The following ZC3H12B variants were observed in gnomAD, a reference collection of about 807,000 sequenced individuals.
ZC3H12B encodes the protein probable ribonuclease ZC3H12B.
A neutral mutation model predicts 43.9 loss-of-function variants in ZC3H12B; 7 were observed. That is an observed-to-expected ratio of 0.16 (90% CI 0.09 to 0.30). The LOEUF (loss-of-function observed/expected upper bound fraction) is 0.30. ZC3H12B is among the 10% of genes least tolerant of loss of function. The pLI is 1.00. For synonymous variants in ZC3H12B, 222 were observed against 241.7 expected, an observed-to-expected ratio of 0.92 and a Z score of 0.76; for missense variants, 475 against 670.2, an observed-to-expected ratio of 0.71 and a Z score of 3.22.
chrX:65,249,248 C>T, the ZC3H12B span, among the ~76,000 whole-genome samples: 1 of 111,772 alleles, frequency 8.9e-6, no homozygotes, highest in Non-Finnish European at 1.9e-5. Flanking sequence ...ATCTTGATTT[C>T]TGTGTAAGGT....
At chrX:65,314,227 G>C in the ZC3H12B span, among the ~76,000 whole-genome samples, 1 of 110,983 alleles carries the variant, frequency 9.0e-6, no homozygotes. Flanking sequence ...AGAGAAGAAA[G>C]AGAGGAGTAC....
At chrX:65,250,586 T>C in the ZC3H12B span, among the ~76,000 whole-genome samples, 2 of 111,939 alleles carry the variant, frequency 1.8e-5, no homozygotes, top group Non-Finnish European at 3.8e-5. Flanking sequence ...CTCCACATCC[T>C]CTCCAGCACC....
intron 3 of ZC3H12B, among the ~76,000 whole-genome samples, chrX:65,422,687 C>T (rs1324857342): frequency 1.8e-5 from 2 of 110,411 alleles, no homozygotes; most frequent in East Asian, 5.7e-4. Flanking sequence ...CCTCCCTTTG[C>T]CCCTCACTCC....
the ZC3H12B span, among the ~76,000 whole-genome samples, chrX:65,048,850 GTTTTA>G: frequency 9.1e-6 from 1 of 110,395 alleles, no homozygotes; most frequent in African/African-American, 3.3e-5. Context: ...GTTTTGTTTT[GTTTTA>G]ATCATGGCCA....
chrX:65,395,143 T>G (rs778920423), intron 2 of ZC3H12B, among the ~76,000 whole-genome samples: 5 of 112,147 alleles, frequency 4.5e-5, no homozygotes, highest in Middle Eastern at 4.6e-3. Flanking sequence ...TAAAATCATG[T>G]CATCTGTAAA....
the ZC3H12B span, among the ~76,000 whole-genome samples, chrX:65,111,914 G>A: frequency 9.0e-6 from 1 of 111,330 alleles, no homozygotes; most frequent in South Asian, 3.7e-4. Context: ...ATGTTCAAGT[G>A]AAAAGAAGAG....
chrX:65,438,185 G>A (rs2067244980), intron 3 of ZC3H12B, among the ~76,000 whole-genome samples: 3 of 111,507 alleles, frequency 2.7e-5, no homozygotes, highest in Non-Finnish European at 5.6e-5. Context: ...TGTATGCTTA[G>A]GATAGCTTTG....
chrX:65,070,331 CT>C, the ZC3H12B span, among the ~76,000 whole-genome samples: 4 of 110,385 alleles, frequency 3.6e-5, no homozygotes, highest in African/African-American at 1.3e-4. Context: ...GATCTTCTTT[CT>C]TTTTTTCTTT....
chrX:65,088,521 A>G, the ZC3H12B span, among the ~76,000 whole-genome samples: 8 of 111,781 alleles, frequency 7.2e-5, no homozygotes, highest in African/African-American at 9.8e-5. Context: ...AAGGTTAAAC[A>G]TGCTACTTCT....
chrX:65,168,462 A>C, the ZC3H12B span, among the ~76,000 whole-genome samples: 1 of 110,186 alleles, frequency 9.1e-6, no homozygotes, highest in East Asian at 2.8e-4. Context: ...GGAGTTTTGC[A>C]TCTATGTTCA....
chrX:65,362,531 G>C (rs909696869), upstream of ZC3H12B, among the ~76,000 whole-genome samples: 1 of 110,210 alleles, frequency 9.1e-6, no homozygotes, highest in Admixed American at 9.7e-5. Context: ...CCTCATTGCT[G>C]CCCTTTTCCC....
chrX:65,380,897 G>C (rs1434375157), intron 2 of ZC3H12B, among the ~76,000 whole-genome samples: 2 of 111,826 alleles, frequency 1.8e-5, no homozygotes, highest in African/African-American at 3.3e-5. Flanking sequence ...TCAACAAGAA[G>C]AGCTAACTAT....
the ZC3H12B span, among the ~76,000 whole-genome samples, chrX:65,171,972 C>G: frequency 8.9e-6 from 1 of 112,241 alleles, no homozygotes; most frequent in Admixed American, 9.4e-5. Context: ...AGGGAATTCC[C>G]CGACCCCTTG....
the ZC3H12B span, among the ~76,000 whole-genome samples, chrX:65,324,903 C>T: frequency 1.3e-3 from 140 of 109,637 alleles, 1 homozygote; most frequent in South Asian, 0.052. Context: ...ATTTAAGTAC[C>T]CTACTCTTAT....
intron 2 of ZC3H12B, 25 bp from the exon 5 acceptor site, chrX:65,398,568 T>C (rs1193028146): frequency 9.0e-6 from 1 of 111,288 alleles, no homozygotes; most frequent in African/African-American, 3.3e-5. Context: ...ACCCTCACTC[T>C]CTCTCCTGTC....
At chrX:65,063,920 G>T in the ZC3H12B span, among the ~76,000 whole-genome samples, 14 of 111,763 alleles carry the variant, frequency 1.3e-4, no homozygotes, top group South Asian at 3.7e-4. Context: ...ATCCATTTAT[G>T]CTAGATTTTC....
chrX:65,275,684 C>T, the ZC3H12B span, among the ~76,000 whole-genome samples: 2 of 112,147 alleles, frequency 1.8e-5, no homozygotes, highest in African/African-American at 3.2e-5. Context: ...ACCTCAAGAC[C>T]CATTTATACA....
the ZC3H12B span, among the ~76,000 whole-genome samples, chrX:65,342,137 T>C: frequency 9.0e-6 from 1 of 111,470 alleles, no homozygotes; most frequent in Non-Finnish European, 1.9e-5. Flanking sequence ...AATGACAGAC[T>C]TTAAACCAAC....
At chrX:65,142,515 C>A in the ZC3H12B span, among the ~76,000 whole-genome samples, 1 of 112,197 alleles carries the variant, frequency 8.9e-6, no homozygotes, top group African/African-American at 3.2e-5. Flanking sequence ...TAATTCCCAG[C>A]AATTTATCTT....
Sources: gnomAD v4.1 joint callset for allele counts (sites outside exome capture counted in the v4.1 genomes callset) on GRCh38, gnomAD v4.1.1 for gene constraint, MANE v1.5 for transcripts, NCBI Gene and HGNC (gene_info 2026-07-23, HGNC 2026-07-21) for gene names.